ADAMTS16: variants seen among roughly 807,000 people sequenced by gnomAD.
The protein encoded by ADAMTS16 is ADAM metallopeptidase with thrombospondin type 1 motif 16.
In ADAMTS16, 94 loss-of-function variants were observed where a neutral mutation model predicts 145.8. That is an observed-to-expected ratio of 0.64 (90% CI 0.55 to 0.77). ADAMTS16 has a LOEUF of 0.77. Ranked by LOEUF, ADAMTS16 falls within the 30% of genes least tolerant of loss-of-function variation. The pLI is 0.00. For synonymous variants in ADAMTS16, 659 were observed against 604.3 expected (o/e 1.09, Z -1.33); for missense variants, 1,585 against 1,591.5 (o/e 1.00, Z 0.07).
At chr5:5,236,378 C>T (rs900130544) in intron 13 of ADAMTS16, among the ~76,000 whole-genome samples, 3 of 151,566 alleles carry the variant, frequency 2.0e-5, no homozygotes, top group Admixed American at 2.0e-4. Context: ...AAACCAAAAA[C>T]CTTGAAATGG....
intron 21 of ADAMTS16, among the ~76,000 whole-genome samples, chr5:5,307,590 C>T (rs932314122): frequency 5.9e-5 from 9 of 152,182 alleles, no homozygotes; most frequent in Non-Finnish European, 1.0e-4. Flanking sequence ...AACTGGGTGC[C>T]ACAGTGGAAT....
intron 8 of ADAMTS16, among the ~76,000 whole-genome samples, chr5:5,197,567 T>G (rs12518805): frequency 0.17 from 25,261 of 152,180 alleles, 2,383 homozygotes; most frequent in African/African-American, 0.24. Flanking sequence ...TATTTATGAC[T>G]TTAGCAAATG....
At chr5:5,205,708 T>C (rs926772983) in intron 9 of ADAMTS16, among the ~76,000 whole-genome samples, 1 of 152,274 alleles carries the variant, frequency 6.6e-6, no homozygotes, top group African/African-American at 2.4e-5. Flanking sequence ...TGAGATCTTT[T>C]TATATGCTTA....
intron 17 of ADAMTS16, among the ~76,000 whole-genome samples, chr5:5,246,198 C>A (rs1737433940): frequency 6.6e-6 from 1 of 152,208 alleles, no homozygotes; most frequent in Admixed American, 6.5e-5. Flanking sequence ...TCTTCAACCT[C>A]TGACTTATTT....
At chr5:5,172,623 G>T (rs1442159884) in intron 3 of ADAMTS16, among the ~76,000 whole-genome samples, 1 of 152,002 alleles carries the variant, frequency 6.6e-6, no homozygotes, top group East Asian at 1.9e-4. Context: ...GAATTTCAGG[G>T]TTTTTAAAAT....
rs187662837 is a variant in ADAMTS16 at position 5,311,405 on chromosome 5, G to T, written c.3411+4677G>T. ...ATCTGAACCAATTTAATCCGCCCTGGAATCTTTTTTCGGTATTAGCTAAAA... is the reference window on the plus strand; with the variant it reads ...ATCTGAACCAATTTAATCCGCCCTGTAATCTTTTTTCGGTATTAGCTAAAA... On this transcript the variant is annotated intron_variant, in intron 21 of 22. Coordinates refer to ENST00000274181, the MANE Select transcript of ADAMTS16 (RefSeq NM_139056.4). Among the ~76,000 whole-genome samples the T allele has an allele frequency of 1.4e-4, 21 of 152,028 alleles. No homozygotes were observed. The East Asian group carries it at 2.7e-3, about 20-fold the overall frequency.
intron 10 of ADAMTS16, among the ~76,000 whole-genome samples, chr5:5,210,311 T>G (rs1338833136): frequency 6.6e-6 from 1 of 152,198 alleles, no homozygotes; most frequent in Non-Finnish European, 1.5e-5. Context: ...GTTAGCTTTG[T>G]GACCACGGAC....
At chr5:5,219,983 C>T (rs1026399699) in intron 10 of ADAMTS16, among the ~76,000 whole-genome samples, 1 of 152,052 alleles carries the variant, frequency 6.6e-6, no homozygotes, top group Non-Finnish European at 1.5e-5. Flanking sequence ...TTTATGATCA[C>T]GATTTCCTGA....
At chr5:5,251,657 T>G (rs552382201) in intron 17 of ADAMTS16, among the ~76,000 whole-genome samples, 112 of 152,344 alleles carry the variant, frequency 7.4e-4, no homozygotes, top group Non-Finnish European at 1.4e-3. Flanking sequence ...TTCACTTTCA[T>G]GAACCTGGGT....
chr5:5,266,311 T>C (rs1738237406), intron 18 of ADAMTS16, among the ~76,000 whole-genome samples: 1 of 152,096 alleles, frequency 6.6e-6, no homozygotes, highest in African/African-American at 2.4e-5. Flanking sequence ...AATTCAGATA[T>C]GAAGTGATAG....
intron 21 of ADAMTS16, 22 bp from the exon 22 acceptor site, chr5:5,318,112 C>T (rs1734127947): frequency 3.6e-6 from 5 of 1,374,106 alleles, no homozygotes; most frequent in Non-Finnish European, 4.7e-6. Flanking sequence ...GCCATGGTGA[C>T]ATGTGTGTGT....
chr5:5,204,938 T>A lies in ADAMTS16; in HGVS notation c.1452-4155T>A, dbSNP rs549887426. 3.9e-5 allele frequency among the ~76,000 whole-genome samples: 6 copies of A among 152,320 alleles called. No individual in the cohort carries two copies. The South Asian group carries it at 1.2e-3, about 32-fold the overall frequency. On this transcript the variant is annotated intron_variant, in intron 9 of 22. Transcript: ENST00000274181. ...TCCCAACACTTGGTCACGTTGATAT[T>A]TTTCATTTTAGGTATCTGGTGGGTG...
chr5:5,292,886 G>A lies in ADAMTS16; in HGVS notation c.2790-10382G>A, dbSNP rs73041134. ...GGAGGCCCTTGATCGGGTATGGCAGGGTGCACAGGCTTGTGGTGCCTGGCC... is the reference window on the plus strand; with the variant it reads ...GGAGGCCCTTGATCGGGTATGGCAGAGTGCACAGGCTTGTGGTGCCTGGCC... On this transcript the variant is annotated intron_variant, in intron 18 of 22. Transcript: ENST00000274181. 3.2e-3 allele frequency among the ~76,000 whole-genome samples: 492 copies of A among 152,328 alleles called. 3 individuals are homozygous for A. Among genetic ancestry groups the A allele is most frequent in the African/African-American group, 0.011 (475 of 41,578 alleles).
intron 10 of ADAMTS16, among the ~76,000 whole-genome samples, chr5:5,215,700 A>ATATATATATATATGTGG (rs1417304562): frequency 1.6e-5 from 2 of 121,340 alleles, no homozygotes; most frequent in Non-Finnish European, 3.3e-5. Flanking sequence ...TCCATTACAT[A>ATATATATATATATGTGG]TATATATATA....
chr5:5,303,892 C>T, intron 20 of ADAMTS16, 126 bp downstream of exon 20: 1 of 1,134,362 alleles, frequency 8.8e-7, no homozygotes, highest in Non-Finnish European at 1.2e-6. Context: ...GGCTTCCTTG[C>T]ACCTTCTCAG....
intron 11 of ADAMTS16, among the ~76,000 whole-genome samples, chr5:5,225,751 G>A (rs547508684): frequency 3.9e-5 from 6 of 152,184 alleles, no homozygotes; most frequent in Admixed American, 1.3e-4. Flanking sequence ...TTGAAGATTC[G>A]TGAGTATAAA....
intron 1 of ADAMTS16, 52 bp downstream of exon 1, chr5:5,140,591 G>C: frequency 6.6e-7 from 1 of 1,515,376 alleles, no homozygotes; most frequent in Non-Finnish European, 8.8e-7. Context: ...CGGACAGCTG[G>C]AGGCGAGTCC....
At chr5:5,267,871 A>G (rs967158929) in intron 18 of ADAMTS16, among the ~76,000 whole-genome samples, 1 of 152,174 alleles carries the variant, frequency 6.6e-6, no homozygotes, top group Non-Finnish European at 1.5e-5. Context: ...CCCCGCTCCC[A>G]TATCAGAATC....
At chr5:5,203,882 G>A (rs72647754) in intron 9 of ADAMTS16, among the ~76,000 whole-genome samples, 460 of 152,194 alleles carry the variant, frequency 3.0e-3, no homozygotes, top group South Asian at 7.5e-3. Context: ...AAGCGGCGCC[G>A]TACCCCATAC....
Sources: gnomAD v4.1 joint callset for allele counts (sites outside exome capture counted in the v4.1 genomes callset) on GRCh38, gnomAD v4.1.1 for gene constraint, MANE v1.5 for transcripts, NCBI Gene and HGNC (gene_info 2026-07-23, HGNC 2026-07-21) for gene names.